Variants in DOCK10 observed in about 807,000 individuals in gnomAD.
DOCK10 encodes the protein dedicator of cytokinesis 10.
In DOCK10, 145 loss-of-function variants were observed where a neutral mutation model predicts 280.1. The observed-to-expected ratio is 0.52, with a 90% CI of 0.45 to 0.59. The LOEUF is 0.59. Among genes scored for constraint, DOCK10 ranks in the 20% least tolerant of loss-of-function variants. The pLI is 0.00. For synonymous variants in DOCK10, 915 were observed against 942.2 expected (o/e 0.97, Z 0.53); for missense variants, 2,368 against 2,651.7 (o/e 0.89, Z 2.35).
intron 1 of DOCK10, among the ~76,000 whole-genome samples, chr2:225,035,640 A>ATATAT (rs1261279361): frequency 1.5e-5 from 2 of 135,800 alleles, no homozygotes; most frequent in African/African-American, 6.3e-5. Context: ...GGGCTGCCAT[A>ATATAT]ATAACCAAAG....
chr2:224,904,994 T>A (rs376549279), intron 3 of DOCK10, among the ~76,000 whole-genome samples: 1 of 152,324 alleles, frequency 6.6e-6, no homozygotes, highest in African/African-American at 2.4e-5. Flanking sequence ...TGTAATTTTC[T>A]TCACTATGTT....
At chr2:224,926,774 C>T (rs1397421135) in intron 2 of DOCK10, among the ~76,000 whole-genome samples, 1 of 152,176 alleles carries the variant, frequency 6.6e-6, no homozygotes, top group Non-Finnish European at 1.5e-5. Context: ...CTTTTGGTTC[C>T]TCAAGGTACT....
intron 44 of DOCK10, among the ~76,000 whole-genome samples, chr2:224,796,103 T>C (rs759577151): frequency 2.6e-5 from 4 of 151,928 alleles, no homozygotes; most frequent in Non-Finnish European, 4.4e-5. Context: ...CTGTTACCCA[T>C]GCTGGAGTGC....
intron 4 of DOCK10, among the ~76,000 whole-genome samples, chr2:224,894,379 A>G (rs535086750): frequency 2.7e-4 from 41 of 152,340 alleles, no homozygotes; most frequent in African/African-American, 9.4e-4. Flanking sequence ...GAAGAGTGTA[A>G]TGGACCTAAA....
intron 4 of DOCK10, among the ~76,000 whole-genome samples, chr2:224,895,990 T>C (rs368701684): frequency 6.6e-5 from 10 of 152,132 alleles, no homozygotes; most frequent in East Asian, 3.9e-4. Context: ...ATGGTACTTT[T>C]CTAATCTTCT....
chr2:224,897,284 T>C (rs878871028), intron 3 of DOCK10, among the ~76,000 whole-genome samples: 3 of 152,194 alleles, frequency 2.0e-5, no homozygotes, highest in African/African-American at 4.8e-5. Context: ...TGTGGGTACA[T>C]TGCAGGTGTA....
At chr2:224,964,506 T>C (rs992297080) in intron 1 of DOCK10, among the ~76,000 whole-genome samples, 2 of 152,126 alleles carry the variant, frequency 1.3e-5, no homozygotes, top group African/African-American at 4.8e-5. Flanking sequence ...TTTCTTTCTT[T>C]TTTCTTTTTT....
chr2:224,790,703 T>G (rs1286105723), intron 47 of DOCK10, among the ~76,000 whole-genome samples: 1 of 152,138 alleles, frequency 6.6e-6, no homozygotes, highest in African/African-American at 2.4e-5. Flanking sequence ...ACATACTTCT[T>G]GCAGGATGAT....
intron 40 of DOCK10, among the ~76,000 whole-genome samples, chr2:224,800,477 G>A (rs982870695): frequency 4.6e-5 from 7 of 152,050 alleles, no homozygotes; most frequent in Admixed American, 3.9e-4. Flanking sequence ...TATCAGTTGC[G>A]GGGTTTCCAT....
intron 19 of DOCK10, among the ~76,000 whole-genome samples, 151 bp from the exon 20 acceptor site, chr2:224,845,793 G>A (rs1696312134): frequency 2.6e-5 from 4 of 152,044 alleles, no homozygotes; most frequent in Admixed American, 2.6e-4. Context: ...GCACGATCTA[G>A]GCTCACTGCA....
intron 7 of DOCK10, among the ~76,000 whole-genome samples, chr2:224,879,254 T>C (rs1163675710): frequency 1.3e-5 from 2 of 152,004 alleles, no homozygotes; most frequent in Admixed American, 6.6e-5. Context: ...GACGCCCCAC[T>C]CTCCCCAGGA....
chr2:224,823,462 T>C (rs1011130497), intron 28 of DOCK10, 39 bp downstream of exon 28: 28 of 1,511,808 alleles, frequency 1.9e-5, no homozygotes, highest in Admixed American at 2.5e-5. Flanking sequence ...TCCACCAACA[T>C]GGGGCCTTGA....
At chr2:224,886,425 G>A in intron 5 of DOCK10, 34 bp downstream of exon 5, 1 of 1,578,172 alleles carries the variant, frequency 6.3e-7, no homozygotes, top group Non-Finnish European at 8.7e-7. Flanking sequence ...TTATCCTCAT[G>A]TTTTAAACAT....
At chr2:225,020,879 A>C (rs1171803474) in intron 1 of DOCK10, among the ~76,000 whole-genome samples, 1 of 152,246 alleles carries the variant, frequency 6.6e-6, no homozygotes, top group Non-Finnish European at 1.5e-5. Context: ...AAGAAAATTC[A>C]TAAATGTGAT....
intron 1 of DOCK10, among the ~76,000 whole-genome samples, chr2:224,954,720 T>C (rs1703945399): frequency 6.6e-6 from 1 of 152,230 alleles, no homozygotes; most frequent in Non-Finnish European, 1.5e-5. Context: ...CAAATATATA[T>C]GCCTGGATTG....
At chr2:224,886,593 G>T in intron 4 of DOCK10, 62 bp from the exon 5 acceptor site, 1 of 1,354,836 alleles carries the variant, frequency 7.4e-7, no homozygotes, top group East Asian at 2.3e-5. Flanking sequence ...ATTTTAAGTT[G>T]CTCCCCAGGT....
At chr2:224,880,195 G>A (rs1574985143) in intron 7 of DOCK10, among the ~76,000 whole-genome samples, 1 of 152,202 alleles carries the variant, frequency 6.6e-6, no homozygotes, top group Middle Eastern at 3.4e-3. Flanking sequence ...TTTGAGCAAA[G>A]TATTACAATC....
At chr2:224,773,474 C>G (rs1690593078) in intron 52 of DOCK10, 127 bp from the exon 53 acceptor site, 1 of 807,492 alleles carries the variant, frequency 1.2e-6, no homozygotes, top group Non-Finnish European at 1.9e-6. Flanking sequence ...GCATGCTTTT[C>G]ATGCATGGGA....
chr2:224,818,352 T>C (rs140346746), intron 29 of DOCK10, among the ~76,000 whole-genome samples: 11 of 151,708 alleles, frequency 7.3e-5, no homozygotes, highest in African/African-American at 1.9e-4. Flanking sequence ...TGTCGTTAAG[T>C]GACGCATGAC....
Sources: gnomAD v4.1 joint callset for allele counts (sites outside exome capture counted in the v4.1 genomes callset) on GRCh38, gnomAD v4.1.1 for gene constraint, MANE v1.5 for transcripts, NCBI Gene and HGNC (gene_info 2026-07-23, HGNC 2026-07-21) for gene names.